The following GTF3C1 variants were observed in gnomAD, a reference collection of about 807,000 sequenced individuals.
GTF3C1 encodes the protein general transcription factor 3C polypeptide 1.
GTF3C1 carries 57 observed loss-of-function variants against 226.7 expected under a neutral mutation model. That is an observed-to-expected ratio of 0.25 (90% CI 0.20 to 0.31). The LOEUF (loss-of-function observed/expected upper bound fraction) is 0.31, where lower values mean the gene tolerates loss of function less well. Ranked by LOEUF, GTF3C1 falls within the 10% of genes least tolerant of loss-of-function variation. The probability of loss-of-function intolerance (pLI) is 1.00; values close to 1 mark genes in which losing one functional copy is unlikely to be tolerated. For synonymous variants in GTF3C1, 1,090 were observed against 1,084.8 expected (o/e 1.00, Z -0.09); for missense variants, 2,217 against 2,776.1 (o/e 0.80, Z 4.53).
In GTF3C1 at chr16:27,492,231, C is replaced by T. The variant is rs2088243436; in HGVS notation, c.3151+107G>A. On this transcript the variant is annotated intron_variant, in intron 19 of 36. Coordinates refer to ENST00000356183, the MANE Select transcript of GTF3C1 (RefSeq NM_001520.4). This position sits in a 1 kb window ranked among gnomAD's most constrained non-coding sequence, Gnocchi z 5.0. ...CTGGGCCTCTGGGGAGCACTCGGAA[C>T]ATACCACTGGTTGAGGCAACTCCTA... 1 of 709,586 alleles carries T rather than the reference C, an allele frequency of 1.4e-6. No individual in the cohort carries two copies. Among genetic ancestry groups the T allele is most frequent in the Admixed American group, 2.4e-5 (1 of 42,028 alleles). The allele number at this position is 709,586 out of a possible 1,614,324, so 44.0% of individuals were successfully genotyped here.
chr16:27,535,835 C>T (rs1218947054), intron 4 of GTF3C1, among the ~76,000 whole-genome samples: 4 of 151,324 alleles, frequency 2.6e-5, no homozygotes, highest in Non-Finnish European at 5.9e-5. Flanking sequence ...GCAACAAGAG[C>T]GAAACTCCGT....
At position 27,486,140 on chromosome 16, in the gene GTF3C1, C is replaced by T. The variant is rs766042974; in HGVS notation, c.3715G>A (p.Glu1239Lys). The T allele has an allele frequency of 2.5e-6, 4 of 1,599,656 alleles. No individual in the cohort carries two copies. The Admixed American group carries it at 5.0e-5, about 20-fold the overall frequency. ...KRKKKGEFPG[E>K]KSKRLRYHDE... The stretch of plus-strand genomic sequence containing the variant: ...TGGTAGCGCAGCCTTTTGCTTTTTT[C>T]TCCTGGGAACTCTCCTAAAAACACC... The change falls in exon 24 of 37, where the codon GAA (glutamate) becomes AAA (lysine). Residue 1239 changes from glutamate to lysine, a missense_variant. This residue lies in a region of GTF3C1 where 546 missense variants were observed against 663.0 expected (regional missense o/e 0.82). Transcript: ENST00000356183.
At chr16:27,484,181 C>A in intron 25 of GTF3C1, 30 bp downstream of exon 25, 2 of 1,541,200 alleles carry the variant, frequency 1.3e-6, no homozygotes, top group Non-Finnish European at 1.8e-6. Context: ...TAACCGTGTC[C>A]CGGAGTGACG....
At chr16:27,511,958 A>AC (rs1258965576) in intron 6 of GTF3C1, 57 bp from the exon 7 acceptor site, 1 of 1,588,420 alleles carries the variant, frequency 6.3e-7, no homozygotes, top group African/African-American at 1.3e-5. Flanking sequence ...TGCGTGGGGG[A>AC]GGTGAGGGGT....
intron 1 of GTF3C1, among the ~76,000 whole-genome samples, chr16:27,549,437 G>A (rs1316299496): frequency 1.3e-5 from 2 of 152,062 alleles, no homozygotes; most frequent in African/African-American, 2.4e-5. Flanking sequence ...CACACACAGG[G>A]ACAAAACGGG....
At chr16:27,548,878 G>T (rs1271514194) in intron 1 of GTF3C1, among the ~76,000 whole-genome samples, 1 of 152,330 alleles carries the variant, frequency 6.6e-6, no homozygotes, top group African/African-American at 2.4e-5. Flanking sequence ...ATGTGGCCGG[G>T]CGCCGTGGCT....
In GTF3C1 at chr16:27,463,877, G is replaced by C; in HGVS notation, c.5873-285C>G. 2.2e-6 allele frequency: 1 copy of C among 456,092 alleles called. No homozygotes were observed. The highest frequency in any genetic ancestry group is 2.9e-5 in the South Asian group (1 of 34,942). The allele number at this position is 456,092 out of a possible 1,614,324, so 28.3% of individuals were successfully genotyped here. On this transcript the variant is annotated intron_variant, in intron 34 of 36. Transcript: ENST00000356183. This position sits in a 1 kb window ranked among gnomAD's most constrained non-coding sequence, Gnocchi z 4.9. ...ACCTCATTTTCCACCCAGAAGCCCC[G>C]ACCACAAGGGTGGTATAAAACCCGA...
chr16:27,489,837 C>A, intron 19 of GTF3C1, 94 bp from the exon 20 acceptor site: 1 of 1,333,526 alleles, frequency 7.5e-7, no homozygotes, highest in South Asian at 1.3e-5. Context: ...AGAGTGGATT[C>A]CCTGCCTGTG....
chr16:27,480,931 T>G (rs1450182774), intron 27 of GTF3C1, 148 bp downstream of exon 27: 1 of 644,366 alleles, frequency 1.6e-6, no homozygotes, highest in Admixed American at 2.6e-5. Context: ...AAGTCACCCA[T>G]GAGAGGAGAG....
chr16:27,463,548 G>T lies in GTF3C1; in HGVS notation c.5917C>A (p.Arg1973=). 1.3e-6 allele frequency: 2 copies of T among 1,592,954 alleles called. No homozygotes were observed. Among genetic ancestry groups the T allele is most frequent in the Non-Finnish European group, 1.7e-6 (2 of 1,160,758 alleles). ...FGAANISQAA[R]ERDCESVCFI... is the part of the protein sequence containing the mutation. ...CCAGAACCCCACACCCACCTTTCCC[G>T]TGCTGCCTGGGAGATGTTGGCAGCT... is the stretch of plus-strand genomic sequence containing the variant. Residue 1973 remains arginine, a synonymous_variant, in exon 35 of 37, where the codon CGG becomes AGG. Coordinates refer to ENST00000356183, the MANE Select transcript of GTF3C1 (RefSeq NM_001520.4). The surrounding 1 kb of genome is among the most constrained non-coding windows in gnomAD (Gnocchi z 4.9).
At position 27,489,712 on chromosome 16, in the gene GTF3C1, G is replaced by A. The variant is rs775210811; in HGVS notation, c.3183C>T (p.Asn1061=). ...GVVRCPRVRK[N]SSTDQGSDEE... is the part of the protein sequence containing the mutation. ...CGTCGCTGCCCTGGTCTGTGCTGCT[G>A]TTCTTCCTGACGCGCGGGCAGCGCA... Residue 1061 remains asparagine (N), a synonymous_variant, in exon 20 of 37, where the codon AAC becomes AAT. Coordinates refer to ENST00000356183, the MANE Select transcript of GTF3C1 (RefSeq NM_001520.4). 22 of 1,612,212 alleles carry A rather than the reference G, an allele frequency of 1.4e-5. No individual in the cohort carries two copies. The highest frequency in any genetic ancestry group is 1.9e-5 in the Non-Finnish European group (22 of 1,179,796).
chr16:27,546,276 T>G (rs548645807), intron 1 of GTF3C1, among the ~76,000 whole-genome samples: 1 of 152,220 alleles, frequency 6.6e-6, no homozygotes, highest in African/African-American at 2.4e-5. Context: ...TCCTCAGTCC[T>G]TTTTCTCCAA....
At chr16:27,468,220 T>C (rs770952326) in intron 32 of GTF3C1, among the ~76,000 whole-genome samples, 2 of 152,188 alleles carry the variant, frequency 1.3e-5, no homozygotes, top group Non-Finnish European at 2.9e-5. Context: ...ACTTGCTTCT[T>C]ATAGATGAGC....
In GTF3C1 at chr16:27,502,872, C is replaced by T. The variant is rs1228691374; in HGVS notation, c.1894G>A (p.Glu632Lys). Residue 632 changes from glutamate to lysine, a missense_variant, in exon 11 of 37, where the codon GAG becomes AAG. By Grantham distance (56) the Glu-to-Lys change is moderately conservative (BLOSUM62 1). Around this residue, in one of 12 missense-constraint regions of GTF3C1, gnomAD observed 52 missense variants for 110.8 expected, o/e 0.47. Coordinates refer to ENST00000356183, the MANE Select transcript of GTF3C1 (RefSeq NM_001520.4). ...ACAGCTCCTTACGTGAATAAACTCTCGATTAAGCGAAGATTGGTGACAGCT... is the reference window on the plus strand; with the variant it reads ...ACAGCTCCTTACGTGAATAAACTCTTGATTAAGCGAAGATTGGTGACAGCT... ...IEAVTNLRLI[E>K]SLFTIQKMIM... is the part of the protein sequence containing the mutation. 3 of 1,583,398 alleles carry T rather than the reference C, an allele frequency of 1.9e-6. No homozygotes were observed. Among genetic ancestry groups the T allele is most frequent in the Non-Finnish European group, 2.6e-6 (3 of 1,163,444 alleles).
At chr16:27,545,626 GA>G (rs1277733129) in intron 1 of GTF3C1, 103 bp from the exon 2 acceptor site, 2 of 698,974 alleles carry the variant, frequency 2.9e-6, no homozygotes, top group African/African-American at 3.6e-5. Flanking sequence ...AGAGAGAAGT[GA>G]GATCAGTCAG....
chr16:27,466,829 C>G (rs1596612616), intron 32 of GTF3C1, among the ~76,000 whole-genome samples: 1 of 152,360 alleles, frequency 6.6e-6, no homozygotes, highest in South Asian at 2.1e-4. Context: ...ATCAAACCAG[C>G]CACAACCTTC....
chr16:27,483,162 T>G (rs768544866), intron 25 of GTF3C1, 37 bp from the exon 26 acceptor site: 3 of 1,579,694 alleles, frequency 1.9e-6, no homozygotes, highest in Non-Finnish European at 2.6e-6. Flanking sequence ...GTCTGGGAAT[T>G]GCAATGATGC....
chr16:27,489,520 G>T, intron 20 of GTF3C1, 82 bp downstream of exon 20: 1 of 1,140,448 alleles, frequency 8.8e-7, no homozygotes, highest in Non-Finnish European at 1.3e-6. Context: ...GACATCCTAA[G>T]CCAGACAAGG....
chr16:27,546,877 C>G (rs953218499), intron 1 of GTF3C1, among the ~76,000 whole-genome samples: 19 of 152,028 alleles, frequency 1.2e-4, no homozygotes, highest in African/African-American at 4.6e-4. Flanking sequence ...AGCGATTCTC[C>G]TGCCTCAGCC....
Sources: allele counts gnomAD v4.1 joint callset (sites outside exome capture counted in the v4.1 genomes callset), GRCh38; gene constraint gnomAD v4.1.1; regional missense constraint gnomAD v4.1.1; non-coding constraint Gnocchi (gnomAD v3.1); transcripts MANE v1.5; gene names NCBI Gene and HGNC (gene_info 2026-07-23, HGNC 2026-07-21).